Variants in NALF1 observed in about 807,000 individuals in gnomAD.
The protein encoded by NALF1 is NALCN channel auxiliary factor 1.
NALF1 carries 3 observed loss-of-function variants against 48.4 expected under a neutral mutation model. The observed-to-expected ratio is 0.06, with a 90% CI of 0.03 to 0.16. NALF1 has a LOEUF of 0.16. NALF1 is among the 10% of genes least tolerant of loss of function. The probability of loss-of-function intolerance (pLI) is 1.00; values close to 1 mark genes in which losing one functional copy is unlikely to be tolerated. For synonymous variants in NALF1, 262 were observed against 245.7 expected, an observed-to-expected ratio of 1.07 and a Z score of -0.62; for missense variants, 526 against 571.5, an observed-to-expected ratio of 0.92 and a Z score of 0.81.
At chr13:107,567,885 C>A (rs1483481551) in intron 1 of NALF1, among the ~76,000 whole-genome samples, 1 of 152,156 alleles carries the variant, frequency 6.6e-6, no homozygotes, top group East Asian at 1.9e-4. Context: ...GATTTGTATC[C>A]TTTTGAGAAG....
At chr13:107,270,461 T>A (rs1050370941) in intron 1 of NALF1, among the ~76,000 whole-genome samples, 2 of 152,114 alleles carry the variant, frequency 1.3e-5, no homozygotes, top group Non-Finnish European at 2.9e-5. Context: ...ATAAAAATTA[T>A]GTATTTAGCA....
At chr13:107,600,480 A>ATAAC (rs1057331915) in intron 1 of NALF1, among the ~76,000 whole-genome samples, 5 of 152,214 alleles carry the variant, frequency 3.3e-5, no homozygotes, top group African/African-American at 9.6e-5. Flanking sequence ...TATTCTAACT[A>ATAAC]TGTTATTTTA....
chr13:107,428,511 G>A (rs1292147725), intron 1 of NALF1, among the ~76,000 whole-genome samples: 1 of 152,112 alleles, frequency 6.6e-6, no homozygotes, highest in African/African-American at 2.4e-5. Flanking sequence ...ATTATTTGTA[G>A]GTTCTCCTCC....
chr13:107,349,918 T>G (rs1220833497), intron 1 of NALF1, among the ~76,000 whole-genome samples: 1 of 152,090 alleles, frequency 6.6e-6, no homozygotes, highest in African/African-American at 2.4e-5. Context: ...GAGGACAATT[T>G]TTTCATGGAC....
chr13:107,223,854 G>A (rs1406819315), intron 1 of NALF1, among the ~76,000 whole-genome samples: 2 of 152,046 alleles, frequency 1.3e-5, no homozygotes, highest in Non-Finnish European at 2.9e-5. Flanking sequence ...ATGTGCTTAG[G>A]GCACAAAACT....
At chr13:107,865,554 A>T in intron 1 of NALF1, 128 bp downstream of exon 1, 1 of 1,286,284 alleles carries the variant, frequency 7.8e-7, no homozygotes, top group Non-Finnish European at 1.1e-6. Context: ...CCAAGCTCTT[A>T]ATAACCGCAG....
intron 1 of NALF1, among the ~76,000 whole-genome samples, chr13:107,731,075 G>A (rs1453757017): frequency 1.3e-5 from 2 of 152,144 alleles, no homozygotes; most frequent in African/African-American, 4.8e-5. Context: ...CAGGAACGAG[G>A]AATGTTAGAG....
intron 1 of NALF1, among the ~76,000 whole-genome samples, chr13:107,294,511 A>G (rs1881688490): frequency 6.6e-6 from 1 of 152,228 alleles, no homozygotes; most frequent in South Asian, 2.1e-4. Context: ...GTGTATTGAA[A>G]AAGTCATTCA....
intron 1 of NALF1, among the ~76,000 whole-genome samples, chr13:107,231,058 C>CAAAAAAAA (rs3072074): frequency 6.0e-5 from 5 of 83,572 alleles, no homozygotes; most frequent in East Asian, 3.9e-4. Context: ...AAGACCCGGC[C>CAAAAAAAA]AAAAAAAAAA....
intron 1 of NALF1, among the ~76,000 whole-genome samples, chr13:107,524,864 T>C (rs893651792): frequency 6.6e-6 from 1 of 152,124 alleles, no homozygotes; most frequent in African/African-American, 2.4e-5. Context: ...AGATGATTTC[T>C]AGAGCCATAG....
chr13:107,836,054 C>G (rs772003709), intron 1 of NALF1, among the ~76,000 whole-genome samples: 1 of 152,090 alleles, frequency 6.6e-6, no homozygotes, highest in Non-Finnish European at 1.5e-5. Flanking sequence ...TGCAATGATG[C>G]GATCATACCT....
At chr13:107,535,804 T>C (rs938040804) in intron 1 of NALF1, among the ~76,000 whole-genome samples, 18 of 152,162 alleles carry the variant, frequency 1.2e-4, no homozygotes, top group Non-Finnish European at 2.4e-4. Flanking sequence ...GCTGGAGGCA[T>C]CATGCTACCT....
At chr13:107,319,827 A>G (rs1882220032) in intron 1 of NALF1, among the ~76,000 whole-genome samples, 1 of 152,052 alleles carries the variant, frequency 6.6e-6, no homozygotes, top group African/African-American at 2.4e-5. Flanking sequence ...GACTCCCCTG[A>G]TCACTTTCAG....
chr13:107,462,174 T>G (rs1260748246), intron 1 of NALF1, among the ~76,000 whole-genome samples: 1 of 152,208 alleles, frequency 6.6e-6, no homozygotes, highest in Non-Finnish European at 1.5e-5. Flanking sequence ...TCATTTTTTT[T>G]GTGTGTCCTA....
chr13:107,480,409 G>A (rs1345758406), intron 1 of NALF1, among the ~76,000 whole-genome samples: 1 of 152,058 alleles, frequency 6.6e-6, no homozygotes, highest in Non-Finnish European at 1.5e-5. Flanking sequence ...TATCTGCCTT[G>A]GAATATTTTG....
At chr13:107,674,239 C>A (rs908460855) in intron 1 of NALF1, among the ~76,000 whole-genome samples, 3 of 151,934 alleles carry the variant, frequency 2.0e-5, no homozygotes, top group Non-Finnish European at 4.4e-5. Context: ...CCAGATATAA[C>A]CCACAAACAA....
intron 1 of NALF1, among the ~76,000 whole-genome samples, chr13:107,831,532 G>GA (rs936964775): frequency 7.3e-5 from 11 of 150,088 alleles, no homozygotes; most frequent in South Asian, 2.1e-4. Flanking sequence ...CTTAAAAAAA[G>GA]AAAAAAAAAG....
chr13:107,385,857 A>G (rs1273110615), intron 1 of NALF1, among the ~76,000 whole-genome samples: 1 of 152,164 alleles, frequency 6.6e-6, no homozygotes, highest in African/African-American at 2.4e-5. Context: ...ACTCAGTTAT[A>G]ATACTGAAAC....
At chr13:107,674,147 T>G (rs963501361) in intron 1 of NALF1, among the ~76,000 whole-genome samples, 1 of 150,034 alleles carries the variant, frequency 6.7e-6, no homozygotes, top group Admixed American at 6.6e-5. Flanking sequence ...GTGTGATCAA[T>G]GGAAAGGTTA....
Sources: gnomAD v4.1 joint callset for allele counts (sites outside exome capture counted in the v4.1 genomes callset) on GRCh38, gnomAD v4.1.1 for gene constraint, MANE v1.5 for transcripts, NCBI Gene and HGNC (gene_info 2026-07-23, HGNC 2026-07-21) for gene names.